The following PCDHA6 variants were observed in gnomAD, a reference collection of about 807,000 sequenced individuals.
The protein encoded by PCDHA6 is protocadherin alpha-6.
PCDHA6 carries 55 observed loss-of-function variants against 60.3 expected under a neutral mutation model. The ratio of observed to expected loss-of-function variants is 0.91; its 90% CI spans 0.73 to 1.14. The LOEUF (loss-of-function observed/expected upper bound fraction) is 1.14, where lower values mean the gene tolerates loss of function less well. Ranked by LOEUF, PCDHA6 falls within the 50% of genes most tolerant of loss-of-function variation. The probability of loss-of-function intolerance (pLI) is 0.00; values close to 1 mark genes in which losing one functional copy is unlikely to be tolerated. For missense variants in PCDHA6, 1,327 were observed against 1,256.5 expected, an observed-to-expected ratio of 1.06 and a Z score of -0.85; for synonymous variants, 652 against 557.9, an observed-to-expected ratio of 1.17 and a Z score of -2.38.
intron 1 of PCDHA6, among the ~76,000 whole-genome samples, chr5:140,936,396 A>G (rs983509296): frequency 1.4e-4 from 22 of 152,112 alleles, no homozygotes; most frequent in African/African-American, 5.3e-4. Flanking sequence ...AAACTGGGCT[A>G]CTCAATTTTT....
chr5:140,969,636 T>C (rs2096349824), intron 1 of PCDHA6: 1 of 212,100 alleles, frequency 4.7e-6, no homozygotes, highest in Non-Finnish European at 8.1e-6. Context: ...GGACAGGCCT[T>C]GGAATAGGGA....
chr5:140,976,644 A>G (rs1487728765), intron 1 of PCDHA6, among the ~76,000 whole-genome samples: 1 of 152,228 alleles, frequency 6.6e-6, no homozygotes, highest in Admixed American at 6.5e-5. Context: ...CAGACAAGTA[A>G]TTTAATCTCT....
intron 1 of PCDHA6, among the ~76,000 whole-genome samples, chr5:140,939,008 T>C (rs1348323675): frequency 6.6e-6 from 1 of 152,234 alleles, no homozygotes; most frequent in Non-Finnish European, 1.5e-5. Context: ...TTAAGAAGTG[T>C]TACTTTTCTT....
intron 1 of PCDHA6, among the ~76,000 whole-genome samples, chr5:140,846,701 G>A (rs1554141463): frequency 1.3e-5 from 2 of 149,318 alleles, no homozygotes; most frequent in South Asian, 2.1e-4. Flanking sequence ...AAGTAGAGAA[G>A]ATTGTAATAA....
At chr5:140,928,277 C>A (rs2085098556) in intron 1 of PCDHA6, 2 of 1,614,156 alleles carry the variant, frequency 1.2e-6, no homozygotes, top group South Asian at 2.2e-5. Context: ...GGCCCTGGGG[C>A]CTCTCTAGGC....
At chr5:141,007,716 G>A (rs887681362) in intron 3 of PCDHA6, among the ~76,000 whole-genome samples, 4 of 152,246 alleles carry the variant, frequency 2.6e-5, no homozygotes, top group African/African-American at 4.8e-5. Context: ...CCCACCACCA[G>A]GGAGAACAAA....
At chr5:140,891,223 C>T (rs903810382) in intron 1 of PCDHA6, among the ~76,000 whole-genome samples, 19 of 152,110 alleles carry the variant, frequency 1.2e-4, no homozygotes, top group Non-Finnish European at 2.2e-4. Flanking sequence ...TCTTTATAAT[C>T]ATCCTGTTCT....
chr5:140,849,774 G>A lies in PCDHA6; in HGVS notation c.2394+19289G>A, dbSNP rs2150449369. On this transcript the variant is annotated intron_variant, in intron 1 of 3. Transcript: ENST00000529310. ...GTCCGCCTACGAGCTGGTGGTTACC[G>A]CGCGGGACGGGGGCTCGCCTTCACT... 3 of 1,598,480 alleles carry A rather than the reference G, an allele frequency of 1.9e-6. No individual in the cohort carries two copies. In the South Asian group the frequency reaches 3.3e-5, roughly 18 times the overall value.
chr5:140,875,151 A>G (rs1219163731), intron 1 of PCDHA6, among the ~76,000 whole-genome samples: 1 of 152,220 alleles, frequency 6.6e-6, no homozygotes, highest in Non-Finnish European at 1.5e-5. Flanking sequence ...ATGATCCGTG[A>G]AAAATAACCC....
At chr5:140,902,560 G>A (rs558432897) in intron 1 of PCDHA6, among the ~76,000 whole-genome samples, 1 of 151,954 alleles carries the variant, frequency 6.6e-6, no homozygotes, top group African/African-American at 2.4e-5. Flanking sequence ...CCAGATTTTT[G>A]AGGGTTTTTA....
intron 1 of PCDHA6, chr5:140,871,196 AC>A (rs782394304): frequency 1.7e-5 from 28 of 1,613,546 alleles, no homozygotes; most frequent in Non-Finnish European, 2.2e-5. Context: ...GTCAACGTGT[AC>A]CTGATCATCG....
chr5:140,845,330 G>T (rs782598822), intron 1 of PCDHA6, among the ~76,000 whole-genome samples: 1 of 149,276 alleles, frequency 6.7e-6, no homozygotes, highest in African/African-American at 2.5e-5. Context: ...TTTAATTACT[G>T]AATTCTCCTA....
chr5:140,857,659 C>G lies in PCDHA6; in HGVS notation c.2394+27174C>G, dbSNP rs200404988. On this transcript the variant is annotated intron_variant, in intron 1 of 3. Transcript: ENST00000529310. ...TGCTACAGTTCCAGGTGAGCGCGCG[C>G]GATGGGGGCGTGCCGCCTCTGGGCA... is the stretch of plus-strand genomic sequence containing the variant. 3.8e-6 allele frequency: 6 copies of G among 1,596,596 alleles called. No individual in the cohort carries two copies. In the Admixed American group the frequency reaches 8.4e-5, roughly 22 times the overall value.
chr5:140,900,257 T>G (rs1184928608), intron 1 of PCDHA6, among the ~76,000 whole-genome samples: 3 of 152,108 alleles, frequency 2.0e-5, no homozygotes, highest in Admixed American at 6.6e-5. Context: ...TGAATAGTAC[T>G]CCATTGTGTA....
intron 3 of PCDHA6, among the ~76,000 whole-genome samples, chr5:141,004,948 C>T (rs1356526927): frequency 6.6e-6 from 1 of 152,236 alleles, no homozygotes; most frequent in African/African-American, 2.4e-5. Context: ...TTCTTACCCT[C>T]TCTCGTCACT....
chr5:140,941,207 C>CTTCCTTTCTTTCTT (rs1563185091), intron 1 of PCDHA6, among the ~76,000 whole-genome samples: 2 of 103,272 alleles, frequency 1.9e-5, no homozygotes, highest in African/African-American at 1.2e-4. Flanking sequence ...TTCTTCCTTT[C>CTTCCTTTCTTTCTT]TTTCTTCCTT....
At chr5:140,990,227 A>G (rs1424384055) in intron 3 of PCDHA6, among the ~76,000 whole-genome samples, 1 of 152,134 alleles carries the variant, frequency 6.6e-6, no homozygotes, top group Non-Finnish European at 1.5e-5. Flanking sequence ...GTTTATTGTA[A>G]CTAGCGTTGT....
chr5:140,847,677 T>A (rs1554141874), intron 1 of PCDHA6: 1 of 149,738 alleles, frequency 6.7e-6, no homozygotes, highest in African/African-American at 2.4e-5. Flanking sequence ...TTGGAAAGAA[T>A]CAAAACAACA....
chr5:140,900,360 C>T (rs952432002), intron 1 of PCDHA6, among the ~76,000 whole-genome samples: 2 of 152,168 alleles, frequency 1.3e-5, no homozygotes, highest in Non-Finnish European at 2.9e-5. Flanking sequence ...TCACCGCAAC[C>T]TCTGCCTCCT....
Sources: gnomAD v4.1 joint callset for allele counts (sites outside exome capture counted in the v4.1 genomes callset) on GRCh38, gnomAD v4.1.1 for gene constraint, MANE v1.5 for transcripts, NCBI Gene and HGNC (gene_info 2026-07-23, HGNC 2026-07-21) for gene names.